Variants in UBAC2 observed in about 807,000 individuals in gnomAD.
UBAC2 encodes ubiquitin-associated domain-containing protein 2.
Under a neutral mutation model 44.0 loss-of-function variants are expected in UBAC2, and 26 were observed. That is an observed-to-expected ratio of 0.59 (90% CI 0.43 to 0.82). The LOEUF (loss-of-function observed/expected upper bound fraction) is 0.82, where lower values mean the gene tolerates loss of function less well. Among genes scored for constraint, UBAC2 ranks in the 40% least tolerant of loss-of-function variants. The probability of loss-of-function intolerance (pLI) is 0.00; values close to 1 mark genes in which losing one functional copy is unlikely to be tolerated. For synonymous variants in UBAC2, 155 were observed against 154.3 expected (o/e 1.00, Z -0.04); for missense variants, 329 against 419.4 (o/e 0.78, Z 1.88).
chr13:99,332,720 G>T (rs1029121238), intron 6 of UBAC2, among the ~76,000 whole-genome samples: 3 of 152,052 alleles, frequency 2.0e-5, no homozygotes, highest in African/African-American at 4.8e-5. Flanking sequence ...TTATCTGATC[G>T]TCCTGCACTG....
At chr13:99,361,649 G>A (rs760287763) in intron 7 of UBAC2, among the ~76,000 whole-genome samples, 1 of 151,970 alleles carries the variant, frequency 6.6e-6, no homozygotes, top group African/African-American at 2.4e-5. Context: ...TTGTTATAGC[G>A]GCTGCCCTGT....
At chr13:99,298,531 TA>T (rs2044210302) in intron 4 of UBAC2, among the ~76,000 whole-genome samples, 1 of 152,082 alleles carries the variant, frequency 6.6e-6, no homozygotes, top group Non-Finnish European at 1.5e-5. Context: ...TGCATTTATT[TA>T]AAAAAGGAAA....
intron 1 of UBAC2, among the ~76,000 whole-genome samples, chr13:99,211,584 A>T (rs1427997165): frequency 6.6e-6 from 1 of 152,198 alleles, no homozygotes; most frequent in East Asian, 1.9e-4. Flanking sequence ...TAATTCTCAT[A>T]ACAGCCCTGT....
intron 8 of UBAC2, among the ~76,000 whole-genome samples, chr13:99,381,838 C>G (rs1593994894): frequency 6.6e-6 from 1 of 152,260 alleles, no homozygotes; most frequent in South Asian, 2.1e-4. Flanking sequence ...TTCTGAGAAC[C>G]AAGTGGCAGA....
In UBAC2 at chr13:99,340,337, C is replaced by T. The variant is rs766148059; in HGVS notation, c.579C>T (p.Tyr193=). ...TCTTCTAGATGTCCGGTCTGTGCTACGACAGCAAAATGTTCCAGGTGCATC... is the reference window on the plus strand; with the variant it reads ...TCTTCTAGATGTCCGGTCTGTGCTATGACAGCAAAATGTTCCAGGTGCATC... ...AISGLMSGLC[Y]DSKMFQVHQV... Residue 193 remains tyrosine, a synonymous_variant, in exon 7 of 9, where the codon TAC becomes TAT. Transcript: ENST00000403766. 5 of 1,612,274 alleles carry T rather than the reference C, an allele frequency of 3.1e-6. No individual in the cohort carries two copies. Among genetic ancestry groups the T allele is most frequent in the South Asian group, 2.2e-5 (2 of 91,052 alleles).
At chr13:99,324,279 G>A (rs2044607892) in intron 6 of UBAC2, among the ~76,000 whole-genome samples, 3 of 152,202 alleles carry the variant, frequency 2.0e-5, no homozygotes, top group Middle Eastern at 3.4e-3. Flanking sequence ...TGCATGCCCT[G>A]TTGACATCAG....
chr13:99,269,927 GT>G (rs2043795212), intron 4 of UBAC2, among the ~76,000 whole-genome samples: 1 of 152,114 alleles, frequency 6.6e-6, no homozygotes, highest in Non-Finnish European at 1.5e-5. Flanking sequence ...TAACAGAATG[GT>G]ATTATACTTT....
intron 1 of UBAC2, chr13:99,201,374 G>T: frequency 6.3e-7 from 1 of 1,588,020 alleles, no homozygotes; most frequent in Non-Finnish European, 8.6e-7. Context: ...GCAAAGTTCA[G>T]CCTCCGCTTT....
intron 6 of UBAC2, among the ~76,000 whole-genome samples, chr13:99,323,970 C>A (rs903626584): frequency 2.6e-5 from 4 of 152,152 alleles, no homozygotes; most frequent in African/African-American, 9.7e-5. Context: ...TTTATTATTG[C>A]AACTTATGTT....
intron 4 of UBAC2, among the ~76,000 whole-genome samples, chr13:99,291,715 A>G (rs1422792992): frequency 6.6e-6 from 1 of 152,226 alleles, no homozygotes; most frequent in African/African-American, 2.4e-5. Flanking sequence ...CATACGCTCT[A>G]TATTGTGTAA....
At chr13:99,333,141 T>C (rs1012762662) in intron 6 of UBAC2, among the ~76,000 whole-genome samples, 1 of 152,172 alleles carries the variant, frequency 6.6e-6, no homozygotes, top group Non-Finnish European at 1.5e-5. Context: ...AAATTAAAAA[T>C]AATGTGTGAA....
chr13:99,247,843 T>G (rs1168540289), intron 4 of UBAC2, among the ~76,000 whole-genome samples: 1 of 151,592 alleles, frequency 6.6e-6, no homozygotes, highest in Non-Finnish European at 1.5e-5. Flanking sequence ...TCTCTATAGT[T>G]CTTTACTTCC....
chr13:99,219,074 A>C (rs1189818950), intron 1 of UBAC2, among the ~76,000 whole-genome samples: 1 of 152,222 alleles, frequency 6.6e-6, no homozygotes, highest in African/African-American at 2.4e-5. Context: ...TGAGAAGTTT[A>C]CCAAATAGTT....
intron 7 of UBAC2, among the ~76,000 whole-genome samples, chr13:99,350,478 A>G (rs1172807178): frequency 6.6e-6 from 1 of 152,242 alleles, no homozygotes; most frequent in South Asian, 2.1e-4. Context: ...TTATATCTAC[A>G]TAATGAAGCT....
At chr13:99,290,920 T>G (rs2044081732) in intron 4 of UBAC2, among the ~76,000 whole-genome samples, 1 of 151,724 alleles carries the variant, frequency 6.6e-6, no homozygotes, top group Non-Finnish European at 1.5e-5. Flanking sequence ...GAAAGGTGAA[T>G]TGAATTCAGA....
chr13:99,251,183 T>C (rs2043454226), intron 4 of UBAC2, among the ~76,000 whole-genome samples: 1 of 152,154 alleles, frequency 6.6e-6, no homozygotes, highest in South Asian at 2.1e-4. Flanking sequence ...AACTAAGTTA[T>C]TGGTGTATAG....
intron 1 of UBAC2, among the ~76,000 whole-genome samples, chr13:99,211,485 G>A (rs976101496): frequency 3.3e-5 from 5 of 152,154 alleles, no homozygotes; most frequent in African/African-American, 7.2e-5. Flanking sequence ...TTCAATCAAC[G>A]ACTAATAAGT....
intron 4 of UBAC2, among the ~76,000 whole-genome samples, chr13:99,248,671 C>T (rs1369245769): frequency 2.0e-5 from 3 of 152,164 alleles, no homozygotes; most frequent in Admixed American, 6.5e-5. Flanking sequence ...GCGTGAGCCA[C>T]TGTATCCGGC....
chr13:99,204,511 A>G (rs1292377055), intron 1 of UBAC2, among the ~76,000 whole-genome samples: 2 of 152,198 alleles, frequency 1.3e-5, no homozygotes, highest in Non-Finnish European at 2.9e-5. Flanking sequence ...TAGGGACAGA[A>G]CTTGTGAACA....
Sources: gnomAD v4.1 joint callset for allele counts (sites outside exome capture counted in the v4.1 genomes callset) on GRCh38, gnomAD v4.1.1 for gene constraint, MANE v1.5 for transcripts, NCBI Gene and HGNC (gene_info 2026-07-23, HGNC 2026-07-21) for gene names.